The following FADS3 variants were observed in gnomAD, a reference collection of about 807,000 sequenced individuals.
FADS3 encodes fatty acid desaturase 3, also known as cytochrome b5-related protein.
FADS3 carries 30 observed loss-of-function variants against 60.4 expected under a neutral mutation model. That is an observed-to-expected ratio of 0.50 (90% CI 0.37 to 0.67). The LOEUF (loss-of-function observed/expected upper bound fraction) is 0.67. Among genes scored for constraint, FADS3 ranks in the 30% least tolerant of loss-of-function variants. The pLI, the probability that FADS3 is intolerant of heterozygous loss-of-function variation, is 0.00. For missense variants in FADS3, 432 were observed against 598.3 expected (o/e 0.72, Z 2.90); for synonymous variants, 234 against 249.3 (o/e 0.94, Z 0.58).
chr11:61,875,373 A>ATTTTT (rs1565342251), intron 11 of FADS3, among the ~76,000 whole-genome samples: 1 of 89,988 alleles, frequency 1.1e-5, no homozygotes, highest in African/African-American at 4.2e-5. Context: ...CACCCAGCTA[A>ATTTTT]TTTTTGTTTT....
At chr11:61,879,291 G>A (rs763554808) in intron 3 of FADS3, 21 bp downstream of exon 3, 3 of 1,549,382 alleles carry the variant, frequency 1.9e-6, no homozygotes, top group South Asian at 1.2e-5. Flanking sequence ...TAAGGTGGCT[G>A]CAACACAGAA....
chr11:61,880,522 A>C (rs1938091990), intron 1 of FADS3: 1 of 163,206 alleles, frequency 6.1e-6, no homozygotes. Context: ...ACAAGTTTCC[A>C]CTGCATGTAG....
intron 11 of FADS3, among the ~76,000 whole-genome samples, chr11:61,874,136 G>A (rs570696069): frequency 2.0e-5 from 3 of 152,324 alleles, no homozygotes; most frequent in South Asian, 4.1e-4. Flanking sequence ...GCCTGGGTGG[G>A]CCTGTCCCTC....
chr11:61,891,511 G>GCTGCTCCGGCCCCGCCCT lies in FADS3; in HGVS notation c.-131_-130insAGGGCGGGGCCGGAGCAG. ...TGCTCCGGCCCCGCCCTGCCGCCGC[G>GCTGCTCCGGCCCCGCCCT]GCCGCCGTACGAGCGAGCGTGCGCC... On this transcript the variant is annotated 5_prime_UTR_variant, in exon 1 of 12. Transcript: ENST00000278829. The GCTGCTCCGGCCCCGCCCT allele has an allele frequency of 1.8e-6, 1 of 565,750 alleles. No homozygotes were observed. The highest frequency in any genetic ancestry group is 2.6e-6 in the Non-Finnish European group (1 of 389,698). 35.0% of individuals were successfully genotyped at this position (565,750 alleles called of 1,614,324 possible).
At chr11:61,888,279 C>T (rs1159606521) in intron 1 of FADS3, among the ~76,000 whole-genome samples, 2 of 152,238 alleles carry the variant, frequency 1.3e-5, no homozygotes, top group African/African-American at 2.4e-5. Flanking sequence ...GATGGGCAGC[C>T]GGGGCTGGTG....
intron 1 of FADS3, among the ~76,000 whole-genome samples, chr11:61,884,333 G>A (rs1472224251): frequency 6.6e-6 from 1 of 152,138 alleles, no homozygotes; most frequent in Non-Finnish European, 1.5e-5. Context: ...AGGGGAGGGA[G>A]AGCATTAGGA....
chr11:61,876,491 T>C lies in FADS3; in HGVS notation c.984-36A>G, dbSNP rs1937892390. ...GCTCGGGCACTGCCCTAGGTCCAGCTCACCACTTAGGCACCCTGAGTGGAG... is the reference window on the plus strand; with the variant it reads ...GCTCGGGCACTGCCCTAGGTCCAGCCCACCACTTAGGCACCCTGAGTGGAG... On this transcript the variant is annotated intron_variant, in intron 8 of 11. Coordinates refer to ENST00000278829, the MANE Select transcript of FADS3 (RefSeq NM_021727.5). This position sits in a 1 kb window ranked among gnomAD's most constrained non-coding sequence, Gnocchi z 5.7. The C allele has an allele frequency of 4.5e-6, 7 of 1,571,308 alleles. No individual in the cohort carries two copies. Among genetic ancestry groups the C allele is most frequent in the Non-Finnish European group, 6.1e-6 (7 of 1,142,402 alleles).
intron 1 of FADS3, among the ~76,000 whole-genome samples, chr11:61,889,500 T>A (rs1169600102): frequency 1.3e-5 from 2 of 151,614 alleles, no homozygotes; most frequent in African/African-American, 4.8e-5. Context: ...AAATACAATA[T>A]GCTGGGCGTG....
intron 1 of FADS3, among the ~76,000 whole-genome samples, chr11:61,885,641 C>T (rs1938289376): frequency 6.6e-6 from 1 of 152,152 alleles, no homozygotes. Flanking sequence ...TCCTTCCACC[C>T]CAGAGACACA....
At position 61,873,732 on chromosome 11, in the gene FADS3, A is replaced by C; in HGVS notation, c.*82T>G. ...AGGGCACCCCCAGGCTGGCCAGTGG[A>C]GGGGTGAGGGTATCGATCCCGCCGG... On this transcript the variant is annotated 3_prime_UTR_variant, in exon 12 of 12. Transcript: ENST00000278829. 1.1e-6 allele frequency: 1 copy of C among 946,852 alleles called. No homozygotes were observed. The highest frequency in any genetic ancestry group is 1.7e-6 in the Non-Finnish European group (1 of 594,318). 58.7% of individuals were successfully genotyped at this position (946,852 alleles called of 1,614,324 possible). A position where few individuals can be genotyped will look rare whatever the true frequency, so the allele number is the denominator to read the frequency against.
chr11:61,878,081 G>T, intron 6 of FADS3, 74 bp downstream of exon 6: 2 of 1,369,440 alleles, frequency 1.5e-6, no homozygotes, highest in Non-Finnish European at 2.1e-6. Context: ...GTGGCTGGGA[G>T]TGGTCCAGGA....
At chr11:61,881,614 G>T (rs1257475396) in intron 1 of FADS3, 2 of 152,162 alleles carry the variant, frequency 1.3e-5, no homozygotes, top group Non-Finnish European at 2.9e-5. Flanking sequence ...GAGGACAGGG[G>T]CCTCCTATTG....
In FADS3 at chr11:61,880,144, A is replaced by G. The variant is rs1216825632; in HGVS notation, c.221T>C (p.Phe74Ser). ...HHGAEDATDA[F>S]RAFHQDLNFV... ...ATTGAGATCTTGATGGAAGGCACGGAAGGCATCCTGAAGGAGAGCAGACAG... is the reference window on the plus strand; with the variant it reads ...ATTGAGATCTTGATGGAAGGCACGGGAGGCATCCTGAAGGAGAGCAGACAG... Residue 74 changes from phenylalanine to serine, a missense_variant, in exon 2 of 12, where the codon TTC (phenylalanine) becomes TCC (serine). Around this residue, in one of 5 missense-constraint regions of FADS3, gnomAD observed 167 missense variants for 188.8 expected, o/e 0.88. Coordinates refer to ENST00000278829, the MANE Select transcript of FADS3 (RefSeq NM_021727.5). 1.2e-6 allele frequency: 2 copies of G among 1,613,994 alleles called. No homozygotes were observed. The highest frequency in any genetic ancestry group is 1.7e-6 in the Non-Finnish European group (2 of 1,179,890).
rs1036355068 is a variant in FADS3 at position 61,891,541 on chromosome 11, G to A, written c.-160C>T. 1.1e-4 allele frequency: 42 copies of A among 371,306 alleles called. No homozygotes were observed. Among genetic ancestry groups the A allele is most frequent in the Non-Finnish European group, 1.5e-4 (35 of 228,754 alleles). The allele number at this position is 371,306 out of a possible 1,614,324, so 23.0% of individuals were successfully genotyped here. A position where few individuals can be genotyped will look rare whatever the true frequency, so the allele number is the denominator to read the frequency against. On this transcript the variant is annotated 5_prime_UTR_variant, in exon 1 of 12. Coordinates refer to ENST00000278829, the MANE Select transcript of FADS3 (RefSeq NM_021727.5). The stretch of plus-strand genomic sequence containing the variant: ...CCGTACGAGCGAGCGTGCGCCTCCC[G>A]GCTCGCGGCGCAGGGAACTCCCCGC...
At chr11:61,879,229 C>T (rs1255080647) in intron 3 of FADS3, 83 bp downstream of exon 3, 1 of 1,235,018 alleles carries the variant, frequency 8.1e-7, no homozygotes, top group South Asian at 1.3e-5. Context: ...ATTCATTTAG[C>T]AAATATGTTC....
intron 11 of FADS3, among the ~76,000 whole-genome samples, chr11:61,875,396 T>G (rs869220317): frequency 0.065 from 9,571 of 147,278 alleles, 1,069 homozygotes; most frequent in East Asian, 0.3. Context: ...TTTTTTTTTT[T>G]TTTTTTTTTT....
In FADS3 at chr11:61,876,542, G is replaced by A; in HGVS notation, c.984-87C>T. 1 of 1,062,136 alleles carries A rather than the reference G, an allele frequency of 9.4e-7. No homozygotes were observed. The highest frequency in any genetic ancestry group is 1.5e-6 in the Non-Finnish European group (1 of 685,844). 65.8% of individuals were successfully genotyped at this position (1,062,136 alleles called of 1,614,324 possible). ...GCTGGAGAGCAGCTGTCCCCAAGTG[G>A]CCTTGACTTCCTTATCTGTACAATA... On this transcript the variant is annotated intron_variant, in intron 8 of 11. Transcript: ENST00000278829. This position sits in a 1 kb window ranked among gnomAD's most constrained non-coding sequence, Gnocchi z 5.7.
At chr11:61,888,187 T>C (rs2136002084) in intron 1 of FADS3, among the ~76,000 whole-genome samples, 1 of 152,292 alleles carries the variant, frequency 6.6e-6, no homozygotes, top group African/African-American at 2.4e-5. Context: ...TGTCCCAAGA[T>C]GGCCACAGGC....
At position 61,876,213 on chromosome 11, in the gene FADS3, A is replaced by G. The variant is rs372703031; in HGVS notation, c.1081-23T>C. On this transcript the variant is annotated intron_variant, in intron 9 of 11. Coordinates refer to ENST00000278829, the MANE Select transcript of FADS3 (RefSeq NM_021727.5). This position sits in a 1 kb window ranked among gnomAD's most constrained non-coding sequence, Gnocchi z 5.7. ...CAGCTGCCGGAAGCCGGCGGGGCACATGTGAGGAGGCCGTTGCAGATCCCT... is the reference window on the plus strand; with the variant it reads ...CAGCTGCCGGAAGCCGGCGGGGCACGTGTGAGGAGGCCGTTGCAGATCCCT... 31 of 1,587,684 alleles carry G rather than the reference A, an allele frequency of 2.0e-5. No homozygotes were observed. Among genetic ancestry groups the G allele is most frequent in the Non-Finnish European group, 6.0e-6 (7 of 1,167,648 alleles).
Sources: gnomAD v4.1 joint callset for allele counts (sites outside exome capture counted in the v4.1 genomes callset) on GRCh38, gnomAD v4.1.1 for gene constraint, gnomAD v4.1.1 regional missense constraint, Gnocchi (gnomAD v3.1) non-coding constraint, MANE v1.5 for transcripts, NCBI Gene and HGNC (gene_info 2026-07-23, HGNC 2026-07-21) for gene names.